LGSN: variants seen among roughly 807,000 people sequenced by gnomAD.
LGSN encodes the protein lengsin.
Under a neutral mutation model 19.5 loss-of-function variants are expected in LGSN, and 21 were observed. That is an observed-to-expected ratio of 1.07 (90% CI 0.76 to 1.55). The LOEUF is 1.55. LGSN is among the 40% of genes most tolerant of loss of function. The probability of loss-of-function intolerance (pLI) is 0.00; values close to 1 mark genes in which losing one functional copy is unlikely to be tolerated. For missense variants in LGSN, 673 were observed against 608.5 expected, an observed-to-expected ratio of 1.11 and a Z score of -1.12; for synonymous variants, 257 against 215.6, an observed-to-expected ratio of 1.19 and a Z score of -1.68.
the LGSN span, among the ~76,000 whole-genome samples, chr6:63,477,575 T>C: frequency 6.6e-6 from 1 of 151,560 alleles, no homozygotes; most frequent in African/African-American, 2.4e-5. Context: ...GGTCTCGTCC[T>C]AGTCTACGAA....
chr6:63,382,326 G>A, the LGSN span, among the ~76,000 whole-genome samples: 3,899 of 152,234 alleles, frequency 0.026, 66 homozygotes, highest in South Asian at 0.047. Context: ...ACAGTACATT[G>A]AATATGTCTT....
At chr6:63,368,906 ACC>A in the LGSN span, among the ~76,000 whole-genome samples, 2 of 152,184 alleles carry the variant, frequency 1.3e-5, no homozygotes, top group Non-Finnish European at 2.9e-5. Context: ...TTGACCAAAA[ACC>A]ATCAACTTGT....
At chr6:63,499,659 T>G in the LGSN span, among the ~76,000 whole-genome samples, 1 of 151,934 alleles carries the variant, frequency 6.6e-6, no homozygotes, top group Non-Finnish European at 1.5e-5. Flanking sequence ...CAAATATGGG[T>G]TTTTCTCTGT....
chr6:63,416,911 G>A, the LGSN span, among the ~76,000 whole-genome samples: 1 of 124,170 alleles, frequency 8.1e-6, no homozygotes, highest in African/African-American at 3.2e-5. Context: ...CTTTAAAAGT[G>A]TATGTACATA....
the LGSN span, among the ~76,000 whole-genome samples, chr6:63,509,255 G>A: frequency 6.6e-6 from 1 of 151,908 alleles, no homozygotes; most frequent in Non-Finnish European, 1.5e-5. Context: ...AGTAGAGACA[G>A]GGTTTCACCA....
the LGSN span, among the ~76,000 whole-genome samples, chr6:63,407,367 G>C: frequency 6.6e-6 from 1 of 152,058 alleles, no homozygotes; most frequent in Non-Finnish European, 1.5e-5. Context: ...ATGCAAGGCT[G>C]GTTCAATATA....
Position 63,280,918 on chromosome 6 carries a change from G to A in LGSN, c.633C>T (p.Cys211=). The A allele has an allele frequency of 1.9e-6, 3 of 1,614,028 alleles. No individual in the cohort carries two copies. The highest frequency in any genetic ancestry group is 2.5e-6 in the Non-Finnish European group (3 of 1,179,998). ...SLLSAFIYDF[C]IFGVPEILNS... The stretch of plus-strand genomic sequence containing the variant: ...TTAAAATTTCGGGCACACCAAAAAT[G>A]CAAAAATCATAGATGAAAGCAGAAA... The change falls in exon 4 of 4, where the codon TGC becomes TGT. Residue 211 remains cysteine, a synonymous_variant. Transcript: ENST00000370657.
At chr6:63,441,236 G>T in the LGSN span, 13 of 332,102 alleles carry the variant, frequency 3.9e-5, no homozygotes, top group South Asian at 4.3e-4. Flanking sequence ...CTATTCTCCC[G>T]TCGGATTTCT....
the LGSN span, among the ~76,000 whole-genome samples, chr6:63,530,167 T>C: frequency 1.2e-4 from 18 of 152,248 alleles, no homozygotes; most frequent in East Asian, 3.3e-3. Flanking sequence ...CAAAATGATA[T>C]AACAATGAAA....
chr6:63,498,442 T>C, the LGSN span, among the ~76,000 whole-genome samples: 2 of 152,088 alleles, frequency 1.3e-5, no homozygotes, highest in Non-Finnish European at 2.9e-5. Flanking sequence ...AGAGCACTCA[T>C]GCCAGGAGCT....
At chr6:63,568,928 T>C in the LGSN span, among the ~76,000 whole-genome samples, 1 of 152,222 alleles carries the variant, frequency 6.6e-6, no homozygotes, top group Non-Finnish European at 1.5e-5. Context: ...TATTTGCCTC[T>C]ATTACATATA....
chr6:63,299,146 TG>T lies in LGSN; in HGVS notation c.31-4102del, dbSNP rs61358350. ...CTCAGTAATTTTAGCTAAAAAATAG[TG>T]GCTAACTTAAAAAGACTGCCTATTG... On this transcript the variant is annotated intron_variant, in intron 1 of 3. Transcript: ENST00000370657. Among the ~76,000 whole-genome samples, 448 of 152,324 alleles carry T rather than the reference TG, an allele frequency of 2.9e-3. 3 individuals are homozygous for T. The highest frequency in any genetic ancestry group is 0.01 in the African/African-American group (424 of 41,582).
chr6:63,548,612 A>T, the LGSN span: 1 of 338,524 alleles, frequency 3.0e-6, no homozygotes, highest in Non-Finnish European at 5.6e-6. Context: ...GAAAAGGTTT[A>T]TTGAGTTAAT....
At chr6:63,377,720 C>T in the LGSN span, among the ~76,000 whole-genome samples, 1 of 151,628 alleles carries the variant, frequency 6.6e-6, no homozygotes, top group African/African-American at 2.4e-5. Flanking sequence ...TGAGACCAGC[C>T]TGGCCAACAT....
the LGSN span, chr6:63,396,662 C>A: frequency 6.5e-6 from 1 of 153,340 alleles, no homozygotes; most frequent in South Asian, 1.9e-4. Flanking sequence ...GCTGGAGTCT[C>A]TTGCTGGGGT....
the LGSN span, among the ~76,000 whole-genome samples, chr6:63,383,863 G>T: frequency 6.6e-6 from 1 of 152,136 alleles, no homozygotes; most frequent in Admixed American, 6.5e-5. Flanking sequence ...TGCCTGCACT[G>T]CAAAGTCAGA....
At chr6:63,562,741 T>C in the LGSN span, among the ~76,000 whole-genome samples, 1 of 152,232 alleles carries the variant, frequency 6.6e-6, no homozygotes, top group South Asian at 2.1e-4. Flanking sequence ...AATACCTAAA[T>C]ATACAACTTT....
At position 63,285,681 on chromosome 6, in the gene LGSN, G is replaced by T. The variant is rs1392714391; in HGVS notation, c.236C>A (p.Ala79Asp). Residue 79 changes from alanine (A) to aspartate (D), a missense_variant, in exon 3 of 4, where the codon GCC (alanine) becomes GAC (aspartate). Coordinates refer to ENST00000370657, the MANE Select transcript of LGSN (RefSeq NM_016571.3). ...AAACTGGAGGCGATTTTTGGCCATG[G>T]CTTGTCTAATGTGTTTCATTCTAGA... ...LSSRMKHIRQ[A>D]MAKNRLQFVR... 2 of 1,613,934 alleles carry T rather than the reference G, an allele frequency of 1.2e-6. No individual in the cohort carries two copies. Among genetic ancestry groups the T allele is most frequent in the East Asian group, 4.5e-5 (2 of 44,878 alleles).
the LGSN span, chr6:63,396,606 C>T: frequency 2.0e-5 from 3 of 153,310 alleles, no homozygotes; most frequent in Admixed American, 2.0e-4. Flanking sequence ...TGGTGCTCCC[C>T]TTTAGCTTTA....
Sources: gnomAD v4.1 joint callset for allele counts (sites outside exome capture counted in the v4.1 genomes callset) on GRCh38, gnomAD v4.1.1 for gene constraint, MANE v1.5 for transcripts, NCBI Gene and HGNC (gene_info 2026-07-23, HGNC 2026-07-21) for gene names.